BMP2K: variants seen among roughly 807,000 people sequenced by gnomAD.
BMP2K encodes BMP2 inducible kinase.
A neutral mutation model predicts 116.0 loss-of-function variants in BMP2K; 74 were observed. The observed-to-expected ratio is 0.64, with a 90% CI of 0.53 to 0.77. The LOEUF (loss-of-function observed/expected upper bound fraction) is 0.77, where lower values mean the gene tolerates loss of function less well. Ranked by LOEUF, BMP2K falls within the 30% of genes least tolerant of loss-of-function variation. The pLI is 0.00. For missense variants in BMP2K, 1,365 were observed against 1,403.6 expected, an observed-to-expected ratio of 0.97 and a Z score of 0.44; for synonymous variants, 486 against 502.5, an observed-to-expected ratio of 0.97 and a Z score of 0.44.
intron 2 of BMP2K, 128 bp downstream of exon 2, chr4:78,826,283 C>T (rs1350043610): frequency 1.6e-6 from 1 of 637,100 alleles, no homozygotes; most frequent in Non-Finnish European, 2.7e-6. Context: ...CTCGCTGCAA[C>T]CTCCACCTCC....
intron 15 of BMP2K, among the ~76,000 whole-genome samples, chr4:78,908,736 C>T (rs114354761): frequency 0.036 from 5,539 of 152,232 alleles, 355 homozygotes; most frequent in African/African-American, 0.13. Context: ...TTCCAACTTA[C>T]TCATTTTTTA....
chr4:78,859,647 T>G lies in BMP2K; in HGVS notation c.947T>G (p.Phe316Cys). The G allele has an allele frequency of 4.3e-6, 7 of 1,610,850 alleles. No homozygotes were observed. Among genetic ancestry groups the G allele is most frequent in the Non-Finnish European group, 5.9e-6 (7 of 1,178,184 alleles). ...ATATTTCAAGTGTCATATTTTGCAT[T>G]TAAATTTGCCAAAAAGGATTGTCCA... ...PDIFQVSYFA[F>C]KFAKKDCPVS... The change falls in exon 8 of 16, where the codon TTT becomes TGT. Residue 316 changes from phenylalanine (F) to cysteine (C), a missense_variant. By Grantham distance (205) the Phe-to-Cys change is radical (BLOSUM62 -2). Transcript: ENST00000502613.
intron 1 of BMP2K, among the ~76,000 whole-genome samples, chr4:78,782,186 T>C (rs753172699): frequency 5.6e-4 from 86 of 152,218 alleles, no homozygotes; most frequent in Non-Finnish European, 9.3e-4. Flanking sequence ...GTTTCCTAAG[T>C]ACTGGTTATG....
chr4:78,912,213 T>C lies in BMP2K; in HGVS notation c.*180T>C, dbSNP rs2110112440. The C allele has an allele frequency of 1.7e-6, 1 of 582,984 alleles. No homozygotes were observed. Among genetic ancestry groups the C allele is most frequent in the East Asian group, 2.9e-5 (1 of 34,036 alleles). 36.1% of individuals were successfully genotyped at this position (582,984 alleles called of 1,614,324 possible). On this transcript the variant is annotated 3_prime_UTR_variant, in exon 16 of 16. Coordinates refer to ENST00000502613, the MANE Select transcript of BMP2K (RefSeq NM_198892.2). ...GTATCTCTACAGGGTAGTAACTTGA[T>C]TCCTCTTCAGGAGAAAAGGGAGCTA...
chr4:78,862,290 C>T (rs778404768), intron 9 of BMP2K, among the ~76,000 whole-genome samples: 13 of 151,756 alleles, frequency 8.6e-5, no homozygotes, highest in Non-Finnish European at 1.3e-4. Context: ...GACAAGTAAA[C>T]GATTACAACC....
At chr4:78,865,460 A>G (rs984051363) in intron 9 of BMP2K, 97 bp from the exon 10 acceptor site, 19 of 1,128,174 alleles carry the variant, frequency 1.7e-5, no homozygotes, top group Non-Finnish European at 1.8e-5. Flanking sequence ...TATCAGTAAT[A>G]GTTAAAATGT....
In BMP2K at chr4:78,913,681, C is replaced by T. The variant is rs528282679; in HGVS notation, c.*1648C>T. ...AAGCTATTTGCCTATTTTCACAGTTCTGAACTTGGAAAGAAGCAAAGTATA... is the reference window on the plus strand; with the variant it reads ...AAGCTATTTGCCTATTTTCACAGTTTTGAACTTGGAAAGAAGCAAAGTATA... On this transcript the variant is annotated 3_prime_UTR_variant, in exon 16 of 16. Transcript: ENST00000502613. The T allele has an allele frequency of 2.2e-4, 34 of 152,240 alleles. No homozygotes were observed. Among genetic ancestry groups the T allele is most frequent in the Middle Eastern group, 3.4e-3 (1 of 294 alleles). 9.4% of individuals were successfully genotyped at this position (152,240 alleles called of 1,614,324 possible). A position where few individuals can be genotyped will look rare whatever the true frequency, so the allele number is the denominator to read the frequency against.
chr4:78,784,443 G>T (rs1727643736), intron 1 of BMP2K, among the ~76,000 whole-genome samples: 1 of 152,224 alleles, frequency 6.6e-6, no homozygotes, highest in South Asian at 2.1e-4. Context: ...GGGAAGTTGA[G>T]TGGTTAATGA....
intron 1 of BMP2K, among the ~76,000 whole-genome samples, chr4:78,816,431 TCTA>T (rs1275785913): frequency 6.6e-6 from 1 of 152,318 alleles, no homozygotes; most frequent in East Asian, 1.9e-4. Context: ...TTTTAAATAT[TCTA>T]CTCATTTTTT....
At chr4:78,853,478 AGATCCAG>A (rs1442391987) in intron 7 of BMP2K, among the ~76,000 whole-genome samples, 1 of 152,212 alleles carries the variant, frequency 6.6e-6, no homozygotes, top group Non-Finnish European at 1.5e-5. Context: ...AGTACTTTCC[AGATCCAG>A]GAGTTGAAAA....
chr4:78,824,609 G>A (rs1440345895), intron 1 of BMP2K, among the ~76,000 whole-genome samples: 1 of 152,164 alleles, frequency 6.6e-6, no homozygotes, highest in Admixed American at 6.5e-5. Flanking sequence ...TGGGGACACA[G>A]CCAAATCATA....
chr4:78,791,424 ATTTCT>A (rs1168630520), intron 1 of BMP2K, among the ~76,000 whole-genome samples: 3 of 152,082 alleles, frequency 2.0e-5, no homozygotes, highest in Non-Finnish European at 2.9e-5. Flanking sequence ...CCTTGAGTAC[ATTTCT>A]TTTCTTTTTT....
At chr4:78,881,590 G>A (rs1363465496) in intron 14 of BMP2K, among the ~76,000 whole-genome samples, 1 of 151,968 alleles carries the variant, frequency 6.6e-6, no homozygotes, top group Non-Finnish European at 1.5e-5. Context: ...GTAATATTTA[G>A]TCATCTTTAG....
intron 10 of BMP2K, among the ~76,000 whole-genome samples, chr4:78,868,331 A>T (rs1359635150): frequency 6.6e-6 from 1 of 152,088 alleles, no homozygotes; most frequent in East Asian, 1.9e-4. Flanking sequence ...ATTCACTATC[A>T]CAAGAAAGAC....
intron 1 of BMP2K, among the ~76,000 whole-genome samples, chr4:78,786,679 G>T (rs1330485912): frequency 6.6e-6 from 1 of 151,794 alleles, no homozygotes; most frequent in Non-Finnish European, 1.5e-5. Flanking sequence ...TTAAAAATGG[G>T]GTCTTGTAGG....
chr4:78,882,844 A>C (rs1221662191), intron 14 of BMP2K, among the ~76,000 whole-genome samples: 1 of 152,040 alleles, frequency 6.6e-6, no homozygotes, highest in Non-Finnish European at 1.5e-5. Flanking sequence ...AATGGCTATA[A>C]GCATCTGAAT....
At chr4:78,814,968 T>C (rs1209799725) in intron 1 of BMP2K, among the ~76,000 whole-genome samples, 1 of 152,104 alleles carries the variant, frequency 6.6e-6, no homozygotes. Context: ...TTTTTCAATG[T>C]TTTTTTCCCC....
At chr4:78,857,113 G>C (rs1053170397) in intron 7 of BMP2K, among the ~76,000 whole-genome samples, 9 of 152,042 alleles carry the variant, frequency 5.9e-5, no homozygotes, top group African/African-American at 1.4e-4. Context: ...TCCACACACA[G>C]AATACACACA....
chr4:78,878,452 T>C (rs1732737848), intron 13 of BMP2K, among the ~76,000 whole-genome samples: 1 of 152,162 alleles, frequency 6.6e-6, no homozygotes, highest in African/African-American at 2.4e-5. Flanking sequence ...CTATTACTCC[T>C]TTTTACAGAT....
Sources: allele counts gnomAD v4.1 joint callset (sites outside exome capture counted in the v4.1 genomes callset), GRCh38; gene constraint gnomAD v4.1.1; transcripts MANE v1.5; gene names NCBI Gene and HGNC (gene_info 2026-07-23, HGNC 2026-07-21).